RUNX2: variants seen among roughly 807,000 people sequenced by gnomAD.
RUNX2 encodes runt-related transcription factor 2.
RUNX2 carries 10 observed loss-of-function variants against 51.7 expected under a neutral mutation model. That is an observed-to-expected ratio of 0.19 (90% CI 0.12 to 0.33). The LOEUF (loss-of-function observed/expected upper bound fraction) is 0.33, where lower values mean the gene tolerates loss of function less well. Among genes scored for constraint, RUNX2 ranks in the 10% least tolerant of loss-of-function variants. The pLI, the probability that RUNX2 is intolerant of heterozygous loss-of-function variation, is 1.00. For missense variants in RUNX2, 562 were observed against 691.3 expected (o/e 0.81, Z 2.10); for synonymous variants, 276 against 273.6 (o/e 1.01, Z -0.09).
intron 6 of RUNX2, among the ~76,000 whole-genome samples, chr6:45,508,002 T>G (rs1302089417): frequency 6.6e-6 from 1 of 152,164 alleles, no homozygotes; most frequent in African/African-American, 2.4e-5. Flanking sequence ...ATTTTATAGA[T>G]GAGGAAACTT....
At chr6:45,356,743 T>C (rs1174695173) in intron 2 of RUNX2, among the ~76,000 whole-genome samples, 2 of 152,086 alleles carry the variant, frequency 1.3e-5, no homozygotes, top group African/African-American at 4.8e-5. Flanking sequence ...AAAGTGTCCA[T>C]CAGTCTCACA....
At chr6:45,435,116 T>C (rs1798646672) in intron 4 of RUNX2, among the ~76,000 whole-genome samples, 1 of 152,208 alleles carries the variant, frequency 6.6e-6, no homozygotes, top group African/African-American at 2.4e-5. Context: ...AACTACTTGT[T>C]TCCTCCCCCA....
At chr6:45,463,333 A>G (rs1164571373) in intron 5 of RUNX2, among the ~76,000 whole-genome samples, 1 of 152,266 alleles carries the variant, frequency 6.6e-6, no homozygotes, top group Non-Finnish European at 1.5e-5. Flanking sequence ...TATTAAAAAC[A>G]GAATGAATTG....
At chr6:45,417,913 T>A (rs1331360379) in intron 2 of RUNX2, among the ~76,000 whole-genome samples, 1 of 152,234 alleles carries the variant, frequency 6.6e-6, no homozygotes, top group Non-Finnish European at 1.5e-5. Context: ...AGGCCAAATT[T>A]GTCCCATGGG....
chr6:45,374,733 A>AC (rs1796535273), intron 2 of RUNX2, among the ~76,000 whole-genome samples: 1 of 152,194 alleles, frequency 6.6e-6, no homozygotes, highest in African/African-American at 2.4e-5. Context: ...CCATGCAGTC[A>AC]CCCCCACCAA....
chr6:45,514,694 C>G, intron 7 of RUNX2, among the ~76,000 whole-genome samples: 1 of 152,164 alleles, frequency 6.6e-6, no homozygotes, highest in East Asian at 1.9e-4. Flanking sequence ...CGGGGCTGTG[C>G]CTGCACACCC....
chr6:45,506,535 G>C (rs748112488), intron 6 of RUNX2, among the ~76,000 whole-genome samples: 1 of 152,104 alleles, frequency 6.6e-6, no homozygotes, highest in Non-Finnish European at 1.5e-5. Context: ...ATGTCAATTT[G>C]TTGAATTTCT....
At chr6:45,350,364 C>T (rs945068644) in intron 2 of RUNX2, among the ~76,000 whole-genome samples, 4 of 152,138 alleles carry the variant, frequency 2.6e-5, no homozygotes, top group African/African-American at 9.7e-5. Flanking sequence ...TTCAAGTACA[C>T]AATAAAATAC....
At chr6:45,490,167 C>T (rs1026796496) in intron 5 of RUNX2, among the ~76,000 whole-genome samples, 37 of 152,184 alleles carry the variant, frequency 2.4e-4, no homozygotes, top group African/African-American at 8.9e-4. Context: ...TAGGTGAACA[C>T]CTTACTTGCC....
At chr6:45,504,146 G>A (rs779672097) in intron 6 of RUNX2, among the ~76,000 whole-genome samples, 7 of 152,134 alleles carry the variant, frequency 4.6e-5, no homozygotes, top group Non-Finnish European at 8.8e-5. Flanking sequence ...AGGGGGGTCC[G>A]CACCTTGCTC....
chr6:45,508,220 CTTTT>C (rs61501897), intron 6 of RUNX2, among the ~76,000 whole-genome samples: 2 of 65,644 alleles, frequency 3.0e-5, no homozygotes, highest in Non-Finnish European at 5.6e-5. Flanking sequence ...CTTATATTTC[CTTTT>C]TTTTTTTTTT....
At chr6:45,544,208 G>A (rs13201287) in intron 7 of RUNX2, among the ~76,000 whole-genome samples, 45,739 of 151,798 alleles carry the variant, frequency 0.3, 7,518 homozygotes, top group African/African-American at 0.44. Flanking sequence ...TAAACCTAGC[G>A]GAAATTTGTT....
chr6:45,334,643 T>G (rs1433409996), intron 2 of RUNX2, among the ~76,000 whole-genome samples: 2 of 151,182 alleles, frequency 1.3e-5, no homozygotes, highest in South Asian at 4.1e-4. Context: ...TATGTTCAAC[T>G]TAAATTTCTT....
chr6:45,382,085 C>A (rs1379444562), intron 2 of RUNX2, among the ~76,000 whole-genome samples: 1 of 152,062 alleles, frequency 6.6e-6, no homozygotes, highest in African/African-American at 2.4e-5. Context: ...TTTCAAAGAG[C>A]CTTTGAGCTC....
At chr6:45,350,048 C>G (rs1287165488) in intron 2 of RUNX2, among the ~76,000 whole-genome samples, 4 of 152,046 alleles carry the variant, frequency 2.6e-5, no homozygotes, top group Non-Finnish European at 4.4e-5. Flanking sequence ...AAGATACATA[C>G]AATTAAGTCT....
chr6:45,539,920 C>A (rs1186911092), intron 7 of RUNX2, among the ~76,000 whole-genome samples: 1 of 152,194 alleles, frequency 6.6e-6, no homozygotes, highest in Non-Finnish European at 1.5e-5. Context: ...GATTTATCTA[C>A]ATAAATGTCC....
At position 45,512,262 on chromosome 6, in the gene RUNX2, G is replaced by A. The variant is rs918459697; in HGVS notation, c.876G>A (p.Gln292=). 1.9e-6 allele frequency: 3 copies of A among 1,613,966 alleles called. No individual in the cohort carries two copies. Among genetic ancestry groups the A allele is most frequent in the Non-Finnish European group, 2.5e-6 (3 of 1,180,008 alleles). Residue 292 remains glutamine, a synonymous_variant, in exon 7 of 9, where the codon CAG becomes CAA. Transcript: ENST00000647337. ...TTTTCCCAGACCCCAGGCAGGCACA[G>A]TCTTCCCCGCCGTGGTCCTATGACC... is the stretch of plus-strand genomic sequence containing the variant. ...QSQITDPRQA[Q]SSPPWSYDQS... is the part of the protein sequence containing the mutation.
intron 6 of RUNX2, among the ~76,000 whole-genome samples, chr6:45,498,781 G>A (rs1800718208): frequency 6.6e-6 from 1 of 152,214 alleles, no homozygotes; most frequent in Non-Finnish European, 1.5e-5. Context: ...CTGTGTATAT[G>A]TTTGGCTGTC....
chr6:45,365,355 GC>G, intron 2 of RUNX2: 4 of 1,158,576 alleles, frequency 3.5e-6, no homozygotes, highest in South Asian at 1.4e-5. Context: ...ATAAGTAAAT[GC>G]AAAAAAAAAA....
Sources: gnomAD v4.1 joint callset for allele counts (sites outside exome capture counted in the v4.1 genomes callset) on GRCh38, gnomAD v4.1.1 for gene constraint, MANE v1.5 for transcripts, NCBI Gene and HGNC (gene_info 2026-07-23, HGNC 2026-07-21) for gene names.